Variants in THSD4 observed in about 807,000 individuals in gnomAD.
THSD4 encodes the protein thrombospondin type-1 domain-containing protein 4.
In THSD4, 69 loss-of-function variants were observed where a neutral mutation model predicts 119.0. The observed-to-expected ratio is 0.58, with a 90% CI of 0.48 to 0.71. The LOEUF is 0.71. THSD4 is among the 30% of genes least tolerant of loss of function. The pLI is 0.00. For synonymous variants in THSD4, 524 were observed against 540.4 expected, an observed-to-expected ratio of 0.97 and a Z score of 0.42; for missense variants, 1,393 against 1,391.1, an observed-to-expected ratio of 1.00 and a Z score of -0.02.
At chr15:71,219,413 C>A (rs562209513) in intron 4 of THSD4, among the ~76,000 whole-genome samples, 1 of 152,116 alleles carries the variant, frequency 6.6e-6, no homozygotes, top group South Asian at 2.1e-4. Context: ...TTGGTGAGCA[C>A]GTATCAGAAT....
At chr15:71,617,424 C>T (rs113715791) in intron 7 of THSD4, among the ~76,000 whole-genome samples, 4,742 of 152,048 alleles carry the variant, frequency 0.031, 265 homozygotes, top group African/African-American at 0.11. Context: ...TTCTCCCTTT[C>T]TTTCCCTTCA....
chr15:71,117,413 G>A (rs921237372), intron 1 of THSD4, among the ~76,000 whole-genome samples: 1 of 152,058 alleles, frequency 6.6e-6, no homozygotes, highest in Non-Finnish European at 1.5e-5. Flanking sequence ...GTGTATTGCC[G>A]TCTTCTCCAT....
intron 3 of THSD4, among the ~76,000 whole-genome samples, chr15:71,174,206 C>G (rs1214070271): frequency 6.6e-6 from 1 of 152,108 alleles, no homozygotes; most frequent in Non-Finnish European, 1.5e-5. Flanking sequence ...ACGCAGAAGA[C>G]GGGTGATTTC....
In THSD4 at chr15:71,414,490, G is replaced by C. The variant is rs570617377; in HGVS notation, c.1152+2667G>C. Among the ~76,000 whole-genome samples, 30 of 152,304 alleles carry C rather than the reference G, an allele frequency of 2.0e-4. 1 individual carries two copies. In the East Asian group the frequency reaches 5.6e-3, roughly 28 times the overall value. On this transcript the variant is annotated intron_variant, in intron 7 of 17. Coordinates refer to ENST00000261862, the MANE Select transcript of THSD4 (RefSeq NM_024817.3). ...CAAACTTCCATGTGATATTGATGCTGCTGGTCCCTGGATCATATTTTGAGT... is the reference window on the plus strand; with the variant it reads ...CAAACTTCCATGTGATATTGATGCTCCTGGTCCCTGGATCATATTTTGAGT...
At chr15:71,186,145 C>T (rs2043599799) in intron 3 of THSD4, 1 of 152,082 alleles carries the variant, frequency 6.6e-6, no homozygotes, top group South Asian at 2.1e-4. Flanking sequence ...AAGAATTATC[C>T]AGGGACAATT....
intron 6 of THSD4, among the ~76,000 whole-genome samples, chr15:71,406,450 T>A (rs1276256220): frequency 6.6e-6 from 1 of 152,198 alleles, no homozygotes. Flanking sequence ...GTTTATAGTG[T>A]TGTTCAAGTA....
chr15:71,765,151 C>T lies in THSD4; in HGVS notation c.2721C>T (p.Cys907=). ...FLEKPPSQQS[C]HLKPCGAKWF... is the part of the protein sequence containing the mutation. ...AGAAACCCCCCAGCCAGCAATCCTGCCACCTCAAGCCTTGCGGAGCCAAAT... is the reference window on the plus strand; with the variant it reads ...AGAAACCCCCCAGCCAGCAATCCTGTCACCTCAAGCCTTGCGGAGCCAAAT... The change falls in exon 16 of 18, where the codon TGC becomes TGT. Residue 907 remains cysteine, a synonymous_variant. Coordinates refer to ENST00000261862, the MANE Select transcript of THSD4 (RefSeq NM_024817.3). 1.9e-6 allele frequency: 3 copies of T among 1,614,228 alleles called. No individual in the cohort carries two copies. The highest frequency in any genetic ancestry group is 1.7e-4 in the Middle Eastern group (1 of 6,060).
intron 1 of THSD4, among the ~76,000 whole-genome samples, chr15:71,119,068 T>A (rs922881154): frequency 6.6e-5 from 10 of 152,172 alleles, no homozygotes; most frequent in Admixed American, 3.9e-4. Context: ...GCTTGGGGCT[T>A]TCAGTGGTTT....
chr15:71,484,129 A>T (rs12903178), intron 7 of THSD4, among the ~76,000 whole-genome samples: 27,805 of 152,048 alleles, frequency 0.18, 2,949 homozygotes, highest in East Asian at 0.29. Flanking sequence ...AGGATTTGAA[A>T]CTCAGATGGA....
intron 6 of THSD4, chr15:71,341,609 G>A (rs779176345): frequency 1.9e-6 from 3 of 1,592,426 alleles, no homozygotes; most frequent in Non-Finnish European, 8.6e-7. Context: ...ACCCTTGATG[G>A]CCTGAGCAGT....
At position 71,746,930 on chromosome 15, in the gene THSD4, G is replaced by T. The variant is rs775684732; in HGVS notation, c.2129G>T (p.Arg710Leu). The T allele has an allele frequency of 6.2e-7, 1 of 1,613,838 alleles. No homozygotes were observed. The highest frequency in any genetic ancestry group is 8.5e-7 in the Non-Finnish European group (1 of 1,180,036). The change falls in exon 13 of 18, where the codon CGC becomes CTC. Residue 710 changes from arginine (R) to leucine (L), a missense_variant. By Grantham distance (102) the Arg-to-Leu change is moderately radical (BLOSUM62 -2). Coordinates refer to ENST00000261862, the MANE Select transcript of THSD4 (RefSeq NM_024817.3). ...CTGTGCCGCCAGGTGTACGCCAACC[G>T]CAGCCTGACGGTGCAGCCCTACCGC... is the stretch of plus-strand genomic sequence containing the variant. ...QVLCRQVYAN[R>L]SLTVQPYRCQ...
rs1293121786 is a variant in THSD4, at chr15:71,782,505, C to T, written c.*5131C>T. On this transcript the variant is annotated 3_prime_UTR_variant, in exon 18 of 18. Coordinates refer to ENST00000261862, the MANE Select transcript of THSD4 (RefSeq NM_024817.3). ...ACTCTATCTGCAGAATGAGTCACTACACCAAAATAGTTCTATTATTTAGAA... is the reference window on the plus strand; with the variant it reads ...ACTCTATCTGCAGAATGAGTCACTATACCAAAATAGTTCTATTATTTAGAA... The T allele has an allele frequency of 6.6e-6, 1 of 152,212 alleles. No homozygotes were observed. The highest frequency in any genetic ancestry group is 1.5e-5 in the Non-Finnish European group (1 of 68,034). The allele number at this position is 152,212 out of a possible 1,614,324, so 9.4% of individuals were successfully genotyped here. A position where few individuals can be genotyped will look rare whatever the true frequency, so the allele number is the denominator to read the frequency against.
chr15:71,252,916 C>A (rs1319620248), intron 5 of THSD4, among the ~76,000 whole-genome samples: 3 of 152,094 alleles, frequency 2.0e-5, no homozygotes, highest in Non-Finnish European at 4.4e-5. Context: ...TTCTGCCTTC[C>A]TTGCCTGTAC....
chr15:71,414,157 A>G (rs1253856262), intron 7 of THSD4, among the ~76,000 whole-genome samples: 3 of 152,242 alleles, frequency 2.0e-5, no homozygotes, highest in African/African-American at 7.2e-5. Flanking sequence ...GCTTCTGTAC[A>G]TCATCTAAAG....
intron 5 of THSD4, among the ~76,000 whole-genome samples, chr15:71,246,151 A>G (rs1481173405): frequency 3.3e-5 from 5 of 152,202 alleles, no homozygotes; most frequent in Non-Finnish European, 7.3e-5. Flanking sequence ...GACCATCTGT[A>G]AAGTGGGCTA....
At chr15:71,343,918 C>T (rs902511153) in intron 6 of THSD4, among the ~76,000 whole-genome samples, 6 of 151,736 alleles carry the variant, frequency 4.0e-5, no homozygotes, top group Non-Finnish European at 5.9e-5. Flanking sequence ...CTCACCGTGT[C>T]GCCTGGGCTG....
intron 3 of THSD4, among the ~76,000 whole-genome samples, chr15:71,180,926 C>T (rs1405688684): frequency 1.3e-5 from 2 of 151,364 alleles, no homozygotes; most frequent in African/African-American, 4.9e-5. Flanking sequence ...GTATGTTATA[C>T]CTCAATTAAA....
chr15:71,327,888 T>G (rs1022522905), intron 6 of THSD4, among the ~76,000 whole-genome samples: 2 of 152,222 alleles, frequency 1.3e-5, no homozygotes, highest in African/African-American at 2.4e-5. Context: ...CTGATACCAT[T>G]TGAGCCTCAG....
At chr15:71,550,251 G>A (rs936586070) in intron 7 of THSD4, among the ~76,000 whole-genome samples, 3 of 152,202 alleles carry the variant, frequency 2.0e-5, no homozygotes, top group Non-Finnish European at 4.4e-5. Flanking sequence ...GCAGAATGGC[G>A]GGGAAGGGGA....
Sources: allele counts gnomAD v4.1 joint callset (sites outside exome capture counted in the v4.1 genomes callset), GRCh38; gene constraint gnomAD v4.1.1; transcripts MANE v1.5; gene names NCBI Gene and HGNC (gene_info 2026-07-23, HGNC 2026-07-21).